SOX5: variants seen among roughly 807,000 people sequenced by gnomAD.
SOX5 encodes transcription factor SOX-5.
In SOX5, 9 loss-of-function variants were observed where a neutral mutation model predicts 92.0. The ratio of observed to expected loss-of-function variants is 0.10; its 90% CI spans 0.06 to 0.17. The LOEUF (loss-of-function observed/expected upper bound fraction) is 0.17, where lower values mean the gene tolerates loss of function less well. Among genes scored for constraint, SOX5 ranks in the 10% least tolerant of loss-of-function variants. The pLI, the probability that SOX5 is intolerant of heterozygous loss-of-function variation, is 1.00. For missense variants in SOX5, 642 were observed against 944.5 expected (o/e 0.68, Z 4.20); for synonymous variants, 344 against 336.3 (o/e 1.02, Z -0.25).
chr12:24,458,406 AT>A (rs565868985), intron 1 of SOX5, among the ~76,000 whole-genome samples: 1 of 151,896 alleles, frequency 6.6e-6, no homozygotes, highest in Non-Finnish European at 1.5e-5. Context: ...ATCTATGGGC[AT>A]TTTTTTTCTT....
chr12:24,530,518 T>C (rs960126364), intron 1 of SOX5, among the ~76,000 whole-genome samples: 4 of 152,156 alleles, frequency 2.6e-5, no homozygotes, highest in African/African-American at 9.7e-5. Flanking sequence ...CCAGCTGTGC[T>C]GGCGTGCACC....
chr12:24,305,978 T>C (rs1948519278), intron 2 of SOX5, among the ~76,000 whole-genome samples: 1 of 152,152 alleles, frequency 6.6e-6, no homozygotes, highest in Non-Finnish European at 1.5e-5. Context: ...AAAACAACCC[T>C]ATAGAACTCT....
chr12:24,051,036 A>T (rs1957514511), intron 4 of SOX5, among the ~76,000 whole-genome samples: 1 of 152,136 alleles, frequency 6.6e-6, no homozygotes, highest in Non-Finnish European at 1.5e-5. Flanking sequence ...AGCCAAAAAC[A>T]TACTAATTTT....
At chr12:24,554,071 C>A (rs1040049940) in intron 1 of SOX5, among the ~76,000 whole-genome samples, 2 of 152,136 alleles carry the variant, frequency 1.3e-5, no homozygotes, top group Non-Finnish European at 2.9e-5. Context: ...ACTGATTCTG[C>A]CAGACACATA....
At chr12:23,570,726 T>C (rs1008456201) in intron 10 of SOX5, among the ~76,000 whole-genome samples, 4 of 150,348 alleles carry the variant, frequency 2.7e-5, no homozygotes, top group African/African-American at 9.8e-5. Flanking sequence ...CTGGATAACA[T>C]GGTGAAGCCC....
At chr12:24,009,319 T>C (rs1252087631) in intron 4 of SOX5, among the ~76,000 whole-genome samples, 1 of 152,194 alleles carries the variant, frequency 6.6e-6, no homozygotes, top group Non-Finnish European at 1.5e-5. Context: ...ATAAACAGAA[T>C]TGGGTATTGT....
At chr12:23,579,680 C>A (rs77008627) in intron 9 of SOX5, among the ~76,000 whole-genome samples, 1,603 of 152,122 alleles carry the variant, frequency 0.011, 29 homozygotes, top group African/African-American at 0.037. Context: ...TAAGACTTCT[C>A]TTACTTTGTT....
At chr12:23,779,810 T>TAC (rs1333274564) in intron 3 of SOX5, among the ~76,000 whole-genome samples, 237 of 98,612 alleles carry the variant, frequency 2.4e-3, no homozygotes, top group African/African-American at 9.1e-3. Context: ...TATATATATA[T>TAC]ATATACACAC....
chr12:23,573,404 T>G (rs1290076547), intron 10 of SOX5, among the ~76,000 whole-genome samples: 1 of 152,214 alleles, frequency 6.6e-6, no homozygotes, highest in Non-Finnish European at 1.5e-5. Context: ...CCTAAGGCTC[T>G]TATTCTTCAT....
chr12:24,197,246 T>C (rs1957090601), intron 4 of SOX5, among the ~76,000 whole-genome samples: 1 of 152,164 alleles, frequency 6.6e-6, no homozygotes, highest in South Asian at 2.1e-4. Flanking sequence ...CTGTGCCAAA[T>C]ATTTGCTGAA....
At chr12:23,978,122 A>C (rs992622611) in intron 4 of SOX5, among the ~76,000 whole-genome samples, 3 of 152,188 alleles carry the variant, frequency 2.0e-5, no homozygotes, top group Non-Finnish European at 4.4e-5. Flanking sequence ...ATTCTGCTGG[A>C]GTAAGGACCC....
intron 1 of SOX5, among the ~76,000 whole-genome samples, chr12:23,911,427 A>G (rs2097350635): frequency 6.6e-6 from 1 of 152,110 alleles, no homozygotes; most frequent in African/African-American, 2.4e-5. Context: ...TTTTGTTTAT[A>G]CTACAGCATG....
intron 4 of SOX5, among the ~76,000 whole-genome samples, chr12:24,128,588 G>A (rs562767348): frequency 1.8e-4 from 28 of 151,968 alleles, no homozygotes; most frequent in Non-Finnish European, 3.5e-4. Context: ...AGAAGGGGGC[G>A]GTTCTACACA....
intron 4 of SOX5, among the ~76,000 whole-genome samples, chr12:24,031,372 A>T (rs1955492400): frequency 6.6e-6 from 1 of 151,824 alleles, no homozygotes; most frequent in South Asian, 2.1e-4. Flanking sequence ...TTATTTGACC[A>T]TTAAAAAAAG....
At chr12:24,020,281 T>G (rs1183745454) in intron 4 of SOX5, among the ~76,000 whole-genome samples, 1 of 152,104 alleles carries the variant, frequency 6.6e-6, no homozygotes, top group African/African-American at 2.4e-5. Flanking sequence ...AAATTGTGAC[T>G]CGAGTAATCC....
At chr12:24,430,634 A>C (rs1479783153) in intron 1 of SOX5, among the ~76,000 whole-genome samples, 1 of 151,950 alleles carries the variant, frequency 6.6e-6, no homozygotes, top group African/African-American at 2.4e-5. Flanking sequence ...TTAGGAGATC[A>C]TTTTCTAATT....
At chr12:23,973,384 C>T (rs1035581996) in intron 4 of SOX5, among the ~76,000 whole-genome samples, 1 of 152,026 alleles carries the variant, frequency 6.6e-6, no homozygotes, top group Non-Finnish European at 1.5e-5. Flanking sequence ...TGGTCTCGAA[C>T]TCCTGACCTC....
At chr12:23,863,288 T>A (rs1327190112) in intron 2 of SOX5, among the ~76,000 whole-genome samples, 1 of 152,174 alleles carries the variant, frequency 6.6e-6, no homozygotes, top group Non-Finnish European at 1.5e-5. Flanking sequence ...ATTCAGAACC[T>A]AAGAATATAT....
intron 2 of SOX5, among the ~76,000 whole-genome samples, chr12:24,338,333 C>A (rs1385612825): frequency 6.6e-6 from 1 of 152,060 alleles, no homozygotes; most frequent in African/African-American, 2.4e-5. Context: ...TGCTAAAAGG[C>A]TGAGATACCT....
Sources: gnomAD v4.1 joint callset for allele counts (sites outside exome capture counted in the v4.1 genomes callset) on GRCh38, gnomAD v4.1.1 for gene constraint, MANE v1.5 for transcripts, NCBI Gene and HGNC (gene_info 2026-07-23, HGNC 2026-07-21) for gene names.